The following GRID2 variants were observed in gnomAD, a reference collection of about 807,000 sequenced individuals.
GRID2 encodes glutamate ionotropic receptor delta type subunit 2.
GRID2 carries 33 observed loss-of-function variants against 114.8 expected under a neutral mutation model. The ratio of observed to expected loss-of-function variants is 0.29; its 90% CI spans 0.22 to 0.38. The LOEUF is 0.38. Ranked by LOEUF, GRID2 falls within the 10% of genes least tolerant of loss-of-function variation. The pLI is 1.00. For missense variants in GRID2, 1,184 were observed against 1,257.7 expected (o/e 0.94, Z 0.89); for synonymous variants, 505 against 449.9 (o/e 1.12, Z -1.55).
intron 2 of GRID2, among the ~76,000 whole-genome samples, chr4:92,698,403 A>G (rs1187056514): frequency 6.6e-6 from 1 of 152,104 alleles, no homozygotes; most frequent in Non-Finnish European, 1.5e-5. Flanking sequence ...AATGGGGGTA[A>G]TGATGTTACC....
chr4:93,568,614 C>T (rs1194948364), intron 13 of GRID2, among the ~76,000 whole-genome samples: 1 of 152,180 alleles, frequency 6.6e-6, no homozygotes, highest in Non-Finnish European at 1.5e-5. Context: ...GCAGTAAGCA[C>T]ATCATTAACA....
chr4:93,214,584 T>G (rs2149479961), intron 5 of GRID2, among the ~76,000 whole-genome samples: 1 of 152,190 alleles, frequency 6.6e-6, no homozygotes, highest in African/African-American at 2.4e-5. Flanking sequence ...AGATTCTTTC[T>G]TCCCAGAAAA....
At chr4:93,552,235 T>G (rs2149545283) in intron 13 of GRID2, among the ~76,000 whole-genome samples, 1 of 152,166 alleles carries the variant, frequency 6.6e-6, no homozygotes, top group East Asian at 1.9e-4. Context: ...CTGCATAGTA[T>G]TCCATGGTGT....
At chr4:92,834,195 T>C (rs1430025789) in intron 2 of GRID2, among the ~76,000 whole-genome samples, 1 of 152,204 alleles carries the variant, frequency 6.6e-6, no homozygotes, top group Non-Finnish European at 1.5e-5. Context: ...CAAAAGCTAT[T>C]GCCATTCCAA....
At chr4:92,914,234 T>G (rs1051889667) in intron 2 of GRID2, among the ~76,000 whole-genome samples, 1 of 152,076 alleles carries the variant, frequency 6.6e-6, no homozygotes, top group Non-Finnish European at 1.5e-5. Flanking sequence ...AGTCATGCAT[T>G]AGATTGTGCA....
chr4:93,584,196 A>G (rs1737301953), intron 13 of GRID2, among the ~76,000 whole-genome samples: 1 of 152,220 alleles, frequency 6.6e-6, no homozygotes, highest in Non-Finnish European at 1.5e-5. Flanking sequence ...TATTTTAAAT[A>G]GAAGGGCTAT....
At chr4:93,726,775 G>C (rs1315451144) in intron 14 of GRID2, among the ~76,000 whole-genome samples, 2 of 152,008 alleles carry the variant, frequency 1.3e-5, no homozygotes, top group Admixed American at 6.5e-5. Flanking sequence ...CTCATGATTT[G>C]GCTCTCTGTT....
intron 2 of GRID2, among the ~76,000 whole-genome samples, chr4:92,940,325 G>A (rs1751009574): frequency 1.4e-5 from 2 of 146,788 alleles, no homozygotes; most frequent in African/African-American, 4.9e-5. Context: ...TCTCTTTGAA[G>A]CAATTGTGAA....
intron 2 of GRID2, chr4:92,885,142 G>C: frequency 3.5e-6 from 1 of 288,118 alleles, no homozygotes; most frequent in South Asian, 3.6e-5. Flanking sequence ...TTTGCCTCTT[G>C]TGTAATCACT....
chr4:93,073,708 A>G (rs1473843826), intron 2 of GRID2, among the ~76,000 whole-genome samples: 4 of 152,288 alleles, frequency 2.6e-5, no homozygotes, highest in Middle Eastern at 6.8e-3. Context: ...ACCTATTGCT[A>G]CTGGTAAAGA....
At chr4:92,622,896 G>T (rs994577837) in intron 2 of GRID2, among the ~76,000 whole-genome samples, 1 of 151,714 alleles carries the variant, frequency 6.6e-6, no homozygotes, top group Non-Finnish European at 1.5e-5. Context: ...GAATTATTAA[G>T]TCATGGCATT....
chr4:92,422,641 C>G (rs1217309715), intron 1 of GRID2, among the ~76,000 whole-genome samples: 3 of 151,994 alleles, frequency 2.0e-5, no homozygotes, highest in Non-Finnish European at 4.4e-5. Flanking sequence ...CCAGTTAACC[C>G]ATCTGGGTGG....
chr4:92,929,861 A>G (rs1192366371), intron 2 of GRID2, among the ~76,000 whole-genome samples: 1 of 151,378 alleles, frequency 6.6e-6, no homozygotes, highest in Non-Finnish European at 1.5e-5. Flanking sequence ...TAATATGTAA[A>G]AGTGCTTGAT....
At chr4:92,432,726 G>A (rs1168252116) in intron 1 of GRID2, among the ~76,000 whole-genome samples, 2 of 152,110 alleles carry the variant, frequency 1.3e-5, no homozygotes, top group Admixed American at 1.3e-4. Context: ...AGCCTGCTTA[G>A]TACTCTACAC....
chr4:93,123,372 A>G (rs1018889088), intron 4 of GRID2, among the ~76,000 whole-genome samples: 20 of 152,338 alleles, frequency 1.3e-4, no homozygotes, highest in Middle Eastern at 6.8e-3. Context: ...CAATTGTACC[A>G]TTATTTTAAA....
At chr4:92,700,789 G>T (rs937080269) in intron 2 of GRID2, among the ~76,000 whole-genome samples, 1 of 152,086 alleles carries the variant, frequency 6.6e-6, no homozygotes, top group Non-Finnish European at 1.5e-5. Flanking sequence ...TCAGGAGATG[G>T]AGACCATCCT....
At chr4:93,447,405 T>C (rs1423024499) in intron 10 of GRID2, among the ~76,000 whole-genome samples, 8 of 151,972 alleles carry the variant, frequency 5.3e-5, no homozygotes, top group Admixed American at 5.2e-4. Flanking sequence ...TTTGAAAAGA[T>C]ATAAAACAAA....
chr4:92,941,020 T>G (rs1262735582), intron 2 of GRID2, among the ~76,000 whole-genome samples: 2 of 152,182 alleles, frequency 1.3e-5, no homozygotes. Flanking sequence ...GATATTGGTT[T>G]AAAATTCTCT....
intron 1 of GRID2, among the ~76,000 whole-genome samples, chr4:92,305,422 G>T (rs922893236): frequency 2.6e-5 from 4 of 152,148 alleles, no homozygotes; most frequent in Admixed American, 1.3e-4. Context: ...CGCTCCCGGG[G>T]CCTGGCGCGG....
Sources: gnomAD v4.1 joint callset for allele counts (sites outside exome capture counted in the v4.1 genomes callset) on GRCh38, gnomAD v4.1.1 for gene constraint, MANE v1.5 for transcripts, NCBI Gene and HGNC (gene_info 2026-07-23, HGNC 2026-07-21) for gene names.